Variants in IFT81 observed in about 807,000 individuals in gnomAD.
IFT81 encodes the protein intraflagellar transport 81.
In IFT81, 72 loss-of-function variants were observed where a neutral mutation model predicts 102.6. The observed-to-expected ratio is 0.70, with a 90% CI of 0.58 to 0.85. IFT81 has a LOEUF of 0.85. IFT81 is among the 40% of genes least tolerant of loss of function. The pLI, the probability that IFT81 is intolerant of heterozygous loss-of-function variation, is 0.00. For missense variants in IFT81, 723 were observed against 787.3 expected, an observed-to-expected ratio of 0.92 and a Z score of 0.98; for synonymous variants, 237 against 242.7, an observed-to-expected ratio of 0.98 and a Z score of 0.22.
intron 18 of IFT81, among the ~76,000 whole-genome samples, chr12:110,209,908 A>G (rs2137602035): frequency 6.6e-6 from 1 of 152,346 alleles, no homozygotes; most frequent in East Asian, 1.9e-4. Context: ...TTTAATACAA[A>G]CAACTGAAAA....
chr12:110,178,200 C>T (rs1429516167), intron 11 of IFT81, among the ~76,000 whole-genome samples: 3 of 143,382 alleles, frequency 2.1e-5, no homozygotes, highest in African/African-American at 5.2e-5. Context: ...GATGACCTGA[C>T]GTCAGGAGTT....
At chr12:110,159,541 T>A (rs568386516) in intron 10 of IFT81, among the ~76,000 whole-genome samples, 1 of 152,318 alleles carries the variant, frequency 6.6e-6, no homozygotes, top group Non-Finnish European at 1.5e-5. Flanking sequence ...ATATATGCAG[T>A]TGCTTTTTAA....
At chr12:110,129,432 A>G (rs1894038820) in intron 4 of IFT81, among the ~76,000 whole-genome samples, 1 of 152,194 alleles carries the variant, frequency 6.6e-6, no homozygotes, top group Non-Finnish European at 1.5e-5. Flanking sequence ...TCTGCACAGC[A>G]CTTTGTTCAT....
At chr12:110,200,875 G>A (rs1049823056) in intron 14 of IFT81, among the ~76,000 whole-genome samples, 5 of 151,890 alleles carry the variant, frequency 3.3e-5, no homozygotes, top group Admixed American at 2.0e-4. Context: ...GCTTGAACCC[G>A]GGAGGCGGAG....
At chr12:110,188,789 C>G (rs955983927) in intron 12 of IFT81, among the ~76,000 whole-genome samples, 4 of 150,860 alleles carry the variant, frequency 2.7e-5, no homozygotes, top group African/African-American at 9.8e-5. Context: ...AAAAATTAGG[C>G]ATAGTGGCAC....
At chr12:110,196,392 C>T (rs1898003397) in intron 14 of IFT81, among the ~76,000 whole-genome samples, 1 of 152,186 alleles carries the variant, frequency 6.6e-6, no homozygotes, top group Non-Finnish European at 1.5e-5. Flanking sequence ...TGGTGGCACA[C>T]ACCTGTAGTC....
chr12:110,153,641 G>A lies in IFT81; in HGVS notation c.1041+6593G>A, dbSNP rs533145795. On this transcript the variant is annotated intron_variant, in intron 10 of 18. Coordinates refer to ENST00000242591, the MANE Select transcript of IFT81 (RefSeq NM_014055.4). ...TTTCTTTTTTTTTAGACGAAGTTTC[G>A]CTCTTGTTACCCAGGCTGGAGTGCA... is the stretch of plus-strand genomic sequence containing the variant. Among the ~76,000 whole-genome samples, 7 of 146,036 alleles carry A rather than the reference G, an allele frequency of 4.8e-5. No individual in the cohort carries two copies. In the South Asian group the frequency reaches 1.1e-3, roughly 23 times the overall value.
In IFT81 at chr12:110,192,626, C is replaced by T. The variant is rs1342269774; in HGVS notation, c.1477C>T (p.Leu493=). ...TTTGTTCAAATAACAGGTGAAAAAA[C>T]TGTATTCATTGGTATCTGAAAAGAA... ...LDDMSEMVKK[L]YSLVSEKKSA... The change falls in exon 14 of 19, where the codon CTG becomes TTG. Residue 493 remains leucine, a synonymous_variant. Coordinates refer to ENST00000242591, the MANE Select transcript of IFT81 (RefSeq NM_014055.4). 6.5e-7 allele frequency: 1 copy of T among 1,549,342 alleles called. No individual in the cohort carries two copies. The highest frequency in any genetic ancestry group is 8.7e-7 in the Non-Finnish European group (1 of 1,143,862).
intron 11 of IFT81, among the ~76,000 whole-genome samples, chr12:110,169,713 C>T (rs1370379710): frequency 2.6e-5 from 4 of 151,934 alleles, no homozygotes; most frequent in Admixed American, 6.6e-5. Context: ...CAGGTGCCCA[C>T]CACCATGCCC....
intron 5 of IFT81, 138 bp from the exon 6 acceptor site, chr12:110,134,810 T>C: frequency 4.6e-6 from 3 of 646,978 alleles, no homozygotes. Flanking sequence ...ATGACCTTCA[T>C]CCAAAAGAGG....
intron 10 of IFT81, among the ~76,000 whole-genome samples, chr12:110,156,389 T>C (rs1469176155): frequency 1.3e-5 from 2 of 152,218 alleles, no homozygotes; most frequent in Non-Finnish European, 2.9e-5. Flanking sequence ...CTTTCAGGAC[T>C]TATTTGAGCA....
chr12:110,169,618 A>G (rs1896641579), intron 11 of IFT81, among the ~76,000 whole-genome samples: 1 of 152,192 alleles, frequency 6.6e-6, no homozygotes, highest in Admixed American at 6.5e-5. Context: ...GCTGGAGTGC[A>G]CTGACATGAT....
chr12:110,160,824 T>C (rs1241444460), intron 10 of IFT81, among the ~76,000 whole-genome samples: 2 of 152,250 alleles, frequency 1.3e-5, no homozygotes, highest in Non-Finnish European at 2.9e-5. Flanking sequence ...TTCTATTCTT[T>C]TGATCTTTTG....
chr12:110,143,495 G>A lies in IFT81; in HGVS notation c.895G>A (p.Val299Ile). The A allele has an allele frequency of 1.3e-6, 2 of 1,550,258 alleles. No individual in the cohort carries two copies. Among genetic ancestry groups the A allele is most frequent in the Non-Finnish European group, 1.7e-6 (2 of 1,159,942 alleles). Residue 299 changes from valine (V) to isoleucine (I), a missense_variant, in exon 9 of 19, where the codon GTT becomes ATT. Val to Ile is a conservative substitution (Grantham distance 29). Coordinates refer to ENST00000242591, the MANE Select transcript of IFT81 (RefSeq NM_014055.4). Reference sequence around the variant, plus strand: ...GGAATTACATTTTTTACAAAAAGTAGTTTCAGAGCCAGCTATGGGCCATTC... The same window carrying A: ...GGAATTACATTTTTTACAAAAAGTAATTTCAGAGCCAGCTATGGGCCATTC... ...KKELHFLQKV[V>I]SEPAMGHSDL...
chr12:110,150,816 C>T (rs1895484694), intron 10 of IFT81, among the ~76,000 whole-genome samples: 1 of 152,038 alleles, frequency 6.6e-6, no homozygotes, highest in African/African-American at 2.4e-5. Flanking sequence ...CTTTCCTTCC[C>T]ACATAGGTAT....
Position 110,218,148 on chromosome 12 carries a change from G to A in IFT81, c.1953G>A (p.Gln651=), listed in dbSNP as rs371043651. ...DLEQLMECKK[Q]CFLKQQSQTS... ...AACAATTAATGGAATGTAAGAAACA[G>A]TGCTTTCTGAAACAACAAAGCCAAA... Residue 651 remains glutamine (Q), a synonymous_variant, in exon 19 of 19, where the codon CAG becomes CAA. Transcript: ENST00000242591. 3.1e-6 allele frequency: 5 copies of A among 1,591,578 alleles called. No individual in the cohort carries two copies. Among genetic ancestry groups the A allele is most frequent in the Admixed American group, 1.9e-5 (1 of 53,414 alleles).
chr12:110,194,351 G>A (rs934964610), intron 14 of IFT81, among the ~76,000 whole-genome samples: 5 of 152,046 alleles, frequency 3.3e-5, no homozygotes, highest in African/African-American at 9.7e-5. Flanking sequence ...TTTCTTAGGA[G>A]CAGTTCTATA....
At chr12:110,199,764 C>T (rs1014848200) in intron 14 of IFT81, among the ~76,000 whole-genome samples, 1 of 152,246 alleles carries the variant, frequency 6.6e-6, no homozygotes, top group Non-Finnish European at 1.5e-5. Context: ...GATGCAGTCC[C>T]ACACAACAAA....
chr12:110,127,080 G>A (rs1388512786), intron 1 of IFT81, among the ~76,000 whole-genome samples: 1 of 152,064 alleles, frequency 6.6e-6, no homozygotes, highest in Non-Finnish European at 1.5e-5. Context: ...AATGTAGGGA[G>A]GATTTATTAT....
Sources: gnomAD v4.1 joint callset for allele counts (sites outside exome capture counted in the v4.1 genomes callset) on GRCh38, gnomAD v4.1.1 for gene constraint, MANE v1.5 for transcripts, NCBI Gene and HGNC (gene_info 2026-07-23, HGNC 2026-07-21) for gene names.